The following ZNF667 variants were observed in gnomAD, a reference collection of about 807,000 sequenced individuals.
ZNF667 encodes the protein myocardial ischemic preconditioning upregulated 1 ortholog.
Under a neutral mutation model 31.8 loss-of-function variants are expected in ZNF667, and 13 were observed. The observed-to-expected ratio is 0.41, with a 90% CI of 0.27 to 0.65. ZNF667 has a LOEUF of 0.65. Among genes scored for constraint, ZNF667 ranks in the 30% least tolerant of loss-of-function variants. ZNF667 has a pLI of 0.32. For missense variants in ZNF667, 642 were observed against 725.6 expected, an observed-to-expected ratio of 0.88 and a Z score of 1.32; for synonymous variants, 228 against 247.1, an observed-to-expected ratio of 0.92 and a Z score of 0.73.
intron 1 of ZNF667, chr19:56,474,630 C>G (rs1291012689): frequency 6.6e-6 from 1 of 152,590 alleles, no homozygotes; most frequent in Non-Finnish European, 1.5e-5. Flanking sequence ...CATCCTCCCC[C>G]TGACTCCTCC....
At position 56,442,734 on chromosome 19, in the gene ZNF667, C is replaced by A. The variant is rs7253217; in HGVS notation, c.261G>T (p.Gly87=). ...PVRRRRAPDS[G]SKCETKKLPP... is the part of the protein sequence containing the mutation. ...GTAACTTCTTGGTCTCACATTTAGA[C>A]CCCGAGTCTGAAAGACATAAAGGAA... is the stretch of plus-strand genomic sequence containing the variant. The change falls in exon 7 of 7, where the codon GGG becomes GGT. Residue 87 remains glycine (G), a synonymous_variant. Transcript: ENST00000504904. 328,258 of 1,566,664 alleles carry A rather than the reference C, an allele frequency of 0.21. 35,382 individuals carry two copies. Among genetic ancestry groups the A allele is most frequent in the Middle Eastern group, 0.24 (1,377 of 5,832 alleles).
intron 5 of ZNF667, among the ~76,000 whole-genome samples, chr19:56,459,763 G>T (rs2043006017): frequency 6.6e-6 from 1 of 152,202 alleles, no homozygotes; most frequent in Non-Finnish European, 1.5e-5. Flanking sequence ...GGAGGCCGAG[G>T]TGGGCAGATC....
In ZNF667 at chr19:56,440,829, G is replaced by T; in HGVS notation, c.*333C>A. On this transcript the variant is annotated 3_prime_UTR_variant, in exon 7 of 7. Coordinates refer to ENST00000504904, the MANE Select transcript of ZNF667 (RefSeq NM_001321356.2). ...TTTTGTATTTTTTAGTAGAGACAGG[G>T]TTTCACCGTGGTCTCAAACTCTTGA... is the stretch of plus-strand genomic sequence containing the variant. 1.2e-6 allele frequency: 1 copy of T among 830,280 alleles called. No individual in the cohort carries two copies. Among genetic ancestry groups the T allele is most frequent in the Non-Finnish European group, 1.5e-6 (1 of 661,792 alleles). 51.4% of individuals were successfully genotyped at this position (830,280 alleles called of 1,614,324 possible). A position where few individuals can be genotyped will look rare whatever the true frequency, so the allele number is the denominator to read the frequency against.
In ZNF667 at chr19:56,472,151, G is replaced by A. The variant is rs548735082; in HGVS notation, c.-512C>T. 1 of 152,210 alleles carries A rather than the reference G, an allele frequency of 6.6e-6. No homozygotes were observed. Among genetic ancestry groups the A allele is most frequent in the Non-Finnish European group, 1.5e-5 (1 of 68,050 alleles). 9.4% of individuals were successfully genotyped at this position (152,210 alleles called of 1,614,324 possible). On this transcript the variant is annotated 5_prime_UTR_variant, in exon 3 of 7. Transcript: ENST00000504904. The stretch of plus-strand genomic sequence containing the variant: ...CAGCACGAAAACAGACTCATACATT[G>A]TCCATAAAATAATTTTCTTCAAGGA...
intron 3 of ZNF667, chr19:56,468,039 C>A (rs2043201192): frequency 6.6e-6 from 1 of 152,244 alleles, no homozygotes; most frequent in Non-Finnish European, 1.5e-5. Flanking sequence ...CTGCCTTGGT[C>A]TTCCTGGTGA....
At chr19:56,450,869 A>G (rs2042807645) in intron 6 of ZNF667, among the ~76,000 whole-genome samples, 1 of 152,204 alleles carries the variant, frequency 6.6e-6, no homozygotes, top group Admixed American at 6.5e-5. Context: ...AAAATATGTA[A>G]GAGATACACA....
At chr19:56,461,884 G>A (rs2043052004) in intron 4 of ZNF667, among the ~76,000 whole-genome samples, 1 of 152,204 alleles carries the variant, frequency 6.6e-6, no homozygotes, top group South Asian at 2.1e-4. Flanking sequence ...TAGTTAAAGA[G>A]ATTTCCTCCA....
chr19:56,459,541 C>G (rs1181054151), intron 5 of ZNF667, among the ~76,000 whole-genome samples: 1 of 152,154 alleles, frequency 6.6e-6, no homozygotes, highest in Non-Finnish European at 1.5e-5. Context: ...AGTCCCAGAT[C>G]CGAGGGGACC....
intron 3 of ZNF667, chr19:56,470,195 C>T (rs1370463054): frequency 2.7e-6 from 1 of 366,682 alleles, no homozygotes; most frequent in Non-Finnish European, 5.5e-6. Context: ...TTAAGGTAAA[C>T]TCTATTTACC....
intron 3 of ZNF667, 63 bp from the exon 4 acceptor site, chr19:56,462,492 GACAC>G (rs150437906): frequency 6.4e-5 from 58 of 910,498 alleles, no homozygotes; most frequent in Non-Finnish European, 6.7e-5. Flanking sequence ...CTAACCTGGA[GACAC>G]ACACACACAC....
rs765417821 is a variant in ZNF667 at position 56,441,133 on chromosome 19, T to C, written c.*29A>G. The C allele has an allele frequency of 6.4e-7, 1 of 1,568,622 alleles. No individual in the cohort carries two copies. Among genetic ancestry groups the C allele is most frequent in the African/African-American group, 1.4e-5 (1 of 73,344 alleles). On this transcript the variant is annotated 3_prime_UTR_variant, in exon 7 of 7. Coordinates refer to ENST00000504904, the MANE Select transcript of ZNF667 (RefSeq NM_001321356.2). The surrounding 1 kb of genome is among the most constrained non-coding windows in gnomAD (Gnocchi z 4.2). ...ATTTGCCATATGTTTGATAGCCTCA[T>C]TCGTTGATTTTATAGATTTAAAACA... is the stretch of plus-strand genomic sequence containing the variant.
rs1199462539 is a variant in ZNF667, at chr19:56,442,086, A to G, written c.909T>C (p.His303=). 5 of 1,614,168 alleles carry G rather than the reference A, an allele frequency of 3.1e-6. No individual in the cohort carries two copies. The South Asian group carries it at 4.4e-5, about 14-fold the overall frequency. ...CATTTTCAGGGATTTTCTCTCCAGC[A>G]TGAATTCTTTTATGTACAACAAAGA... ...KSVFVVHKRI[H]AGEKIPENAK... The change falls in exon 7 of 7, where the codon CAT becomes CAC. Residue 303 remains histidine (H), a synonymous_variant. Coordinates refer to ENST00000504904, the MANE Select transcript of ZNF667 (RefSeq NM_001321356.2).
intron 2 of ZNF667, among the ~76,000 whole-genome samples, chr19:56,473,334 A>G (rs981316607): frequency 6.6e-6 from 1 of 152,216 alleles, no homozygotes; most frequent in Non-Finnish European, 1.5e-5. Flanking sequence ...GGTTGTGGTG[A>G]AGATCAAATG....
intron 6 of ZNF667, among the ~76,000 whole-genome samples, chr19:56,451,315 G>A (rs891520507): frequency 6.6e-5 from 10 of 151,944 alleles, no homozygotes; most frequent in Admixed American, 3.9e-4. Context: ...GGAGCACCGA[G>A]ATACATAAAG....
chr19:56,453,419 G>A (rs958581634), intron 6 of ZNF667, among the ~76,000 whole-genome samples: 2 of 152,000 alleles, frequency 1.3e-5, no homozygotes, highest in East Asian at 3.9e-4. Flanking sequence ...ATCAAAAAAA[G>A]AGCTTAATAT....
At chr19:56,473,198 C>T (rs1271401156) in intron 2 of ZNF667, 1 of 152,202 alleles carries the variant, frequency 6.6e-6, no homozygotes, top group African/African-American at 2.4e-5. Flanking sequence ...CTGCAGCAGG[C>T]TGTCTATGTT....
intron 6 of ZNF667, among the ~76,000 whole-genome samples, chr19:56,452,251 T>C (rs7508200): frequency 2.0e-5 from 3 of 152,134 alleles, no homozygotes; most frequent in African/African-American, 7.2e-5. Context: ...GGTTTCACCA[T>C]GGTGGCCAGG....
intron 3 of ZNF667, among the ~76,000 whole-genome samples, chr19:56,466,784 C>T (rs922062394): frequency 6.6e-6 from 1 of 152,164 alleles, no homozygotes; most frequent in Non-Finnish European, 1.5e-5. Context: ...TCAGAGATAA[C>T]ATCAATGACC....
chr19:56,456,430 C>A (rs1037190146), intron 6 of ZNF667, among the ~76,000 whole-genome samples: 1 of 152,116 alleles, frequency 6.6e-6, no homozygotes, highest in African/African-American at 2.4e-5. Flanking sequence ...CAACAAATTG[C>A]GACAACACAC....
Sources: gnomAD v4.1 joint callset for allele counts (sites outside exome capture counted in the v4.1 genomes callset) on GRCh38, gnomAD v4.1.1 for gene constraint, Gnocchi (gnomAD v3.1) non-coding constraint, MANE v1.5 for transcripts, NCBI Gene and HGNC (gene_info 2026-07-23, HGNC 2026-07-21) for gene names.